The following ZMYM4 variants were observed in gnomAD, a reference collection of about 807,000 sequenced individuals.
The protein encoded by ZMYM4 is zinc finger MYM-type containing 4.
ZMYM4 carries 31 observed loss-of-function variants against 183.2 expected under a neutral mutation model. The ratio of observed to expected loss-of-function variants is 0.17; its 90% CI spans 0.13 to 0.23. ZMYM4 has a LOEUF of 0.23. ZMYM4 is among the 10% of genes least tolerant of loss of function. The pLI, the probability that ZMYM4 is intolerant of heterozygous loss-of-function variation, is 1.00. For missense variants in ZMYM4, 1,273 were observed against 1,840.3 expected (o/e 0.69, Z 5.64); for synonymous variants, 592 against 631.2 (o/e 0.94, Z 0.93).
At chr1:35,282,794 G>A (rs544934343) in intron 1 of ZMYM4, among the ~76,000 whole-genome samples, 61 of 152,116 alleles carry the variant, frequency 4.0e-4, no homozygotes, top group African/African-American at 1.2e-3. Flanking sequence ...GAGCTCAAGC[G>A]ATGCACCTGC....
At chr1:35,325,023 T>C (rs1447824550) in intron 1 of ZMYM4, among the ~76,000 whole-genome samples, 1 of 152,214 alleles carries the variant, frequency 6.6e-6, no homozygotes, top group Admixed American at 6.5e-5. Context: ...TAGTTCTCGG[T>C]GTTAGTAAGT....
intron 25 of ZMYM4, 116 bp from the exon 26 acceptor site, chr1:35,407,892 C>T: frequency 7.8e-7 from 1 of 1,285,690 alleles, no homozygotes; most frequent in Admixed American, 2.0e-5. Context: ...ATCCATATAC[C>T]CACTAGTCTG....
chr1:35,277,669 T>A (rs1369545540), intron 1 of ZMYM4, among the ~76,000 whole-genome samples: 2 of 152,214 alleles, frequency 1.3e-5, no homozygotes, highest in Non-Finnish European at 2.9e-5. Context: ...TTGTATTTAT[T>A]AACTGGAATT....
chr1:35,411,663 G>T (rs745626934), intron 26 of ZMYM4, among the ~76,000 whole-genome samples: 9 of 152,202 alleles, frequency 5.9e-5, no homozygotes, highest in Non-Finnish European at 8.8e-5. Context: ...TATGATTGCA[G>T]TGAATCTATA....
At chr1:35,315,779 GA>G (rs1642017890) in intron 1 of ZMYM4, among the ~76,000 whole-genome samples, 1 of 151,780 alleles carries the variant, frequency 6.6e-6, no homozygotes, top group Non-Finnish European at 1.5e-5. Context: ...AAAAAATAAA[GA>G]AAAAAATTCA....
rs1415740163 is a variant in ZMYM4, at chr1:35,310,279, A to G, written c.40-15081A>G. On this transcript the variant is annotated intron_variant, in intron 1 of 29. Coordinates refer to ENST00000314607, the MANE Select transcript of ZMYM4 (RefSeq NM_005095.3). The stretch of plus-strand genomic sequence containing the variant: ...AATGTCTTACTTTTATTATGAAGGC[A>G]GCATTGTTGTAGATGATTTGAAAGA... 4.2e-5 allele frequency: 8 copies of G among 191,886 alleles called. No individual in the cohort carries two copies. In the East Asian group the frequency reaches 9.7e-4, roughly 23 times the overall value. 11.9% of individuals were successfully genotyped at this position (191,886 alleles called of 1,614,324 possible).
intron 23 of ZMYM4, among the ~76,000 whole-genome samples, chr1:35,402,727 A>G (rs1644932898): frequency 6.6e-6 from 1 of 152,238 alleles, no homozygotes; most frequent in South Asian, 2.1e-4. Context: ...AAAGAAATAT[A>G]GGTAATTTTC....
At chr1:35,323,382 A>T (rs1041487351) in intron 1 of ZMYM4, among the ~76,000 whole-genome samples, 4 of 152,118 alleles carry the variant, frequency 2.6e-5, no homozygotes, top group African/African-American at 9.7e-5. Context: ...GAGTCATGAG[A>T]AATATTGTAT....
chr1:35,419,022 C>G (rs10908394), intron 29 of ZMYM4, among the ~76,000 whole-genome samples: 4,602 of 152,106 alleles, frequency 0.03, 245 homozygotes, highest in East Asian at 0.24. Flanking sequence ...TTCATTTGCC[C>G]TTTGATAATG....
At chr1:35,380,530 G>A (rs890215619) in intron 7 of ZMYM4, among the ~76,000 whole-genome samples, 10 of 152,078 alleles carry the variant, frequency 6.6e-5, no homozygotes, top group Admixed American at 1.3e-4. Flanking sequence ...GTTTCACCGT[G>A]TTAGCCAGGA....
At position 35,399,286 on chromosome 1, in the gene ZMYM4, G is replaced by A. The variant is rs552309008; in HGVS notation, c.3434-196G>A. 2.6e-5 allele frequency among the ~76,000 whole-genome samples: 4 copies of A among 152,116 alleles called. No homozygotes were observed. The East Asian group carries it at 7.7e-4, about 29-fold the overall frequency. On this transcript the variant is annotated intron_variant, in intron 22 of 29. Coordinates refer to ENST00000314607, the MANE Select transcript of ZMYM4 (RefSeq NM_005095.3). ...CCTTTCCCGTAGTAGCTATATAAGA[G>A]GTTTTCCTGATTGTTAATGAAGTTT...
At chr1:35,403,342 A>G (rs757215114) in intron 23 of ZMYM4, among the ~76,000 whole-genome samples, 9 of 152,020 alleles carry the variant, frequency 5.9e-5, no homozygotes, top group East Asian at 1.9e-4. Flanking sequence ...CTCGAGTGCA[A>G]TGGCGCGATC....
chr1:35,398,870 G>A lies in ZMYM4; in HGVS notation c.3260G>A (p.Gly1087Glu). ...TGTTATCTATATATTTCAGACCAAG[G>A]AAGTACATACAGTGGTGATCTTGAA... ...LDTKIFEKDQ[G>E]STYSGDLESE... Residue 1087 changes from glycine to glutamate, a missense_variant, in exon 22 of 30, where the codon GGA (glycine) becomes GAA (glutamate). Transcript: ENST00000314607. 1 of 1,613,974 alleles carries A rather than the reference G, an allele frequency of 6.2e-7. No homozygotes were observed. Among genetic ancestry groups the A allele is most frequent in the Non-Finnish European group, 8.5e-7 (1 of 1,179,904 alleles).
chr1:35,292,914 A>G (rs1640831091), intron 1 of ZMYM4, among the ~76,000 whole-genome samples: 1 of 152,022 alleles, frequency 6.6e-6, no homozygotes, highest in African/African-American at 2.4e-5. Flanking sequence ...TCTATTCTAG[A>G]CCTTCTGAAG....
intron 2 of ZMYM4, among the ~76,000 whole-genome samples, chr1:35,346,590 G>A (rs1643398294): frequency 7.3e-6 from 1 of 136,956 alleles, no homozygotes; most frequent in Non-Finnish European, 1.5e-5. Flanking sequence ...GGTGGAGGTT[G>A]TAGTGAGCCA....
At chr1:35,369,049 T>C (rs890576044) in intron 5 of ZMYM4, among the ~76,000 whole-genome samples, 1 of 152,200 alleles carries the variant, frequency 6.6e-6, no homozygotes, top group African/African-American at 2.4e-5. Flanking sequence ...TAATGTGTTA[T>C]GTTTCTTAAA....
At chr1:35,337,964 A>G (rs935089728) in intron 2 of ZMYM4, among the ~76,000 whole-genome samples, 2 of 152,164 alleles carry the variant, frequency 1.3e-5, no homozygotes, top group African/African-American at 4.8e-5. Flanking sequence ...TAAAAACAAT[A>G]TAGATAGTAC....
At chr1:35,328,167 A>G (rs976898477) in intron 2 of ZMYM4, among the ~76,000 whole-genome samples, 4 of 151,482 alleles carry the variant, frequency 2.6e-5, no homozygotes, top group Non-Finnish European at 2.9e-5. Context: ...GGGCTACTGT[A>G]CTTGGAGTTC....
At chr1:35,388,839 C>A in intron 13 of ZMYM4, 71 bp from the exon 14 acceptor site, 3 of 1,453,330 alleles carry the variant, frequency 2.1e-6, no homozygotes, top group South Asian at 1.2e-5. Flanking sequence ...CCGGGCCTGT[C>A]CTAGGCCATT....
Sources: allele counts gnomAD v4.1 joint callset (sites outside exome capture counted in the v4.1 genomes callset), GRCh38; gene constraint gnomAD v4.1.1; transcripts MANE v1.5; gene names NCBI Gene and HGNC (gene_info 2026-07-23, HGNC 2026-07-21).